Variants in FGF13 observed in about 807,000 individuals in gnomAD.
The protein encoded by FGF13 is fibroblast growth factor 13.
FGF13 carries 2 observed loss-of-function variants against 19.5 expected under a neutral mutation model. The ratio of observed to expected loss-of-function variants is 0.10; its 90% CI spans 0.04 to 0.32. The LOEUF (loss-of-function observed/expected upper bound fraction) is 0.32. Ranked by LOEUF, FGF13 falls within the 10% of genes least tolerant of loss-of-function variation. The probability of loss-of-function intolerance (pLI) is 1.00; values close to 1 mark genes in which losing one functional copy is unlikely to be tolerated. For synonymous variants in FGF13, 72 were observed against 76.9 expected, an observed-to-expected ratio of 0.94 and a Z score of 0.33; for missense variants, 113 against 192.7, an observed-to-expected ratio of 0.59 and a Z score of 2.45.
intron 1 of FGF13, among the ~76,000 whole-genome samples, chrX:138,880,529 C>A (rs1291105055): frequency 9.0e-6 from 1 of 111,524 alleles, no homozygotes; most frequent in Non-Finnish European, 1.9e-5. Context: ...ACGTCCTTTA[C>A]AGGGACATGG....
At chrX:138,673,670 G>T (rs1184881590) in intron 3 of FGF13, among the ~76,000 whole-genome samples, 1 of 111,482 alleles carries the variant, frequency 9.0e-6, no homozygotes, top group African/African-American at 3.3e-5. Flanking sequence ...AATCAAATGG[G>T]ATAAATAACA....
intron 1 of FGF13, among the ~76,000 whole-genome samples, chrX:138,961,596 T>G (rs1425664479): frequency 1.8e-5 from 2 of 111,774 alleles, no homozygotes; most frequent in African/African-American, 6.5e-5. Flanking sequence ...TGCCATATAC[T>G]ACAAGGCTAC....
At chrX:138,963,722 T>G (rs2091884109) in intron 1 of FGF13, among the ~76,000 whole-genome samples, 1 of 112,317 alleles carries the variant, frequency 8.9e-6, no homozygotes, top group Non-Finnish European at 1.9e-5. Context: ...AATATAATCT[T>G]CATGGTTAGT....
At chrX:138,942,107 G>C (rs138372209) in intron 1 of FGF13, among the ~76,000 whole-genome samples, 240 of 111,983 alleles carry the variant, frequency 2.1e-3, no homozygotes, top group African/African-American at 6.8e-3. Context: ...GATATGTCTC[G>C]CATGGGGAGA....
chrX:138,978,266 G>GTTTTTTTTGTTTTTTTTTTTTTTTTT (rs2091948004), intron 1 of FGF13, among the ~76,000 whole-genome samples: 1 of 82,917 alleles, frequency 1.2e-5, no homozygotes, highest in East Asian at 4.1e-4. Flanking sequence ...AGCTGCCCTG[G>GTTTTTTTTGTTTTTTTTTTTTTTTTT]TTTTTTTTTT....
intron 3 of FGF13, among the ~76,000 whole-genome samples, chrX:138,831,904 C>G (rs145050916): frequency 1.1e-3 from 125 of 111,528 alleles, no homozygotes; most frequent in African/African-American, 3.7e-3. Flanking sequence ...AATTTAGCTC[C>G]CACTTATAAG....
chrX:139,080,107 T>C lies in FGF13; in HGVS notation c.-113+123309A>G, dbSNP rs145742122. On this transcript the variant is annotated intron_variant, in intron 1 of 2. Transcript: ENST00000421460. Reference sequence around the variant, plus strand: ...ACACACAAAGTAGAACCACAGTGAGTTTTTCCCCAAAATACATGTTATAAA... The same window carrying C: ...ACACACAAAGTAGAACCACAGTGAGCTTTTCCCCAAAATACATGTTATAAA... 6.1e-3 allele frequency among the ~76,000 whole-genome samples: 661 copies of C among 107,515 alleles called. 5 individuals carry two copies. The highest frequency in any genetic ancestry group is 0.022 in the African/African-American group (642 of 29,290). 93.4% of individuals were successfully genotyped at this position (107,515 alleles called of 115,157 possible).
intron 1 of FGF13, among the ~76,000 whole-genome samples, chrX:139,177,775 GA>G (rs2084201191): frequency 9.0e-6 from 1 of 111,726 alleles, no homozygotes; most frequent in African/African-American, 3.3e-5. Context: ...ACTGGGGTAT[GA>G]AAAAGAACTC....
chrX:138,622,326 A>G lies in FGF13; in HGVS notation c.*10524T>C, dbSNP rs1265352076. 1 of 111,865 alleles carries G rather than the reference A, an allele frequency of 8.9e-6. No homozygotes were observed. The highest frequency in any genetic ancestry group is 1.9e-5 in the Non-Finnish European group (1 of 53,091). The allele number at this position is 111,865 out of a possible 1,213,427, so 9.2% of individuals were successfully genotyped here. On this transcript the variant is annotated 3_prime_UTR_variant, in exon 5 of 5. Coordinates refer to ENST00000315930, the MANE Select transcript of FGF13 (RefSeq NM_004114.5). Reference sequence around the variant, plus strand: ...ATACTCAAATCAATAAATATGAACAATAAGACAATGAAGGATAATAATCAT... The same window carrying G: ...ATACTCAAATCAATAAATATGAACAGTAAGACAATGAAGGATAATAATCAT...
chrX:139,136,371 C>T (rs1339424927), intron 1 of FGF13, among the ~76,000 whole-genome samples: 1 of 77,164 alleles, frequency 1.3e-5, no homozygotes, highest in African/African-American at 5.3e-5. Context: ...CGTTCTGAGT[C>T]TCTAAAGTCC....
intron 1 of FGF13, among the ~76,000 whole-genome samples, chrX:139,203,168 G>A (rs894509859): frequency 1.6e-4 from 18 of 111,753 alleles, no homozygotes; most frequent in African/African-American, 5.2e-4. Context: ...GCTTTGCTGC[G>A]CCTCCCCAAC....
intron 1 of FGF13, among the ~76,000 whole-genome samples, chrX:138,908,367 G>A (rs1270599942): frequency 9.4e-6 from 1 of 106,808 alleles, no homozygotes; most frequent in Non-Finnish European, 1.9e-5. Context: ...GTGAGCCACC[G>A]TGCCTGGCCA....
At chrX:138,844,386 A>T (rs983352661) in intron 3 of FGF13, among the ~76,000 whole-genome samples, 2 of 112,105 alleles carry the variant, frequency 1.8e-5, no homozygotes, top group Non-Finnish European at 3.8e-5. Context: ...TGACATCTTT[A>T]CAAAGACCTA....
intron 1 of FGF13, among the ~76,000 whole-genome samples, chrX:138,896,904 T>A (rs1203320403): frequency 9.0e-6 from 1 of 111,675 alleles, no homozygotes; most frequent in African/African-American, 3.3e-5. Flanking sequence ...ATCACGTAGA[T>A]GATGGCAGAT....
chrX:138,985,120 A>T (rs759225525), intron 1 of FGF13: 1 of 351,735 alleles, frequency 2.8e-6, no homozygotes, highest in African/African-American at 2.6e-5. Context: ...AAACATCAAC[A>T]TCCTCCATTA....
At chrX:138,920,875 G>A (rs1488704392) in intron 1 of FGF13, among the ~76,000 whole-genome samples, 2 of 111,400 alleles carry the variant, frequency 1.8e-5, no homozygotes, top group East Asian at 2.8e-4. Flanking sequence ...AAAAGAACTG[G>A]TATCAATTTT....
intron 1 of FGF13, among the ~76,000 whole-genome samples, chrX:138,927,976 A>G (rs1277243591): frequency 8.9e-6 from 1 of 112,376 alleles, no homozygotes; most frequent in African/African-American, 3.2e-5. Flanking sequence ...ATTTAGGACA[A>G]TTAAATTCCC....
chrX:139,007,811 G>A (rs184709631), intron 1 of FGF13, among the ~76,000 whole-genome samples: 3 of 112,349 alleles, frequency 2.7e-5, no homozygotes, highest in African/African-American at 9.7e-5. Context: ...CAGACCCTTT[G>A]AAGGAACTGG....
At chrX:138,793,511 C>T (rs770421569) in intron 3 of FGF13, among the ~76,000 whole-genome samples, 2 of 111,641 alleles carry the variant, frequency 1.8e-5, no homozygotes, top group African/African-American at 6.5e-5. Flanking sequence ...CTAGTAAATG[C>T]CCTGTGATTG....
Sources: allele counts gnomAD v4.1 joint callset (sites outside exome capture counted in the v4.1 genomes callset), GRCh38; gene constraint gnomAD v4.1.1; transcripts MANE v1.5; gene names NCBI Gene and HGNC (gene_info 2026-07-23, HGNC 2026-07-21).